The following PRKCE variants were observed in gnomAD, a reference collection of about 807,000 sequenced individuals.
The protein encoded by PRKCE is protein kinase C epsilon.
Under a neutral mutation model 85.4 loss-of-function variants are expected in PRKCE, and 16 were observed. The ratio of observed to expected loss-of-function variants is 0.19; its 90% confidence interval spans 0.13 to 0.28. The LOEUF is 0.28. Ranked by LOEUF, PRKCE falls within the 10% of genes least tolerant of loss-of-function variation. The pLI, the probability that PRKCE is intolerant of heterozygous loss-of-function variation, is 1.00. For missense variants in PRKCE, 573 were observed against 975.2 expected, an observed-to-expected ratio of 0.59 and a Z score of 5.49; for synonymous variants, 388 against 371.5, an observed-to-expected ratio of 1.04 and a Z score of -0.51.
chr2:46,011,003 T>A (rs997398922), intron 10 of PRKCE: 22 of 1,311,398 alleles, frequency 1.7e-5, no homozygotes, highest in Non-Finnish European at 2.2e-5. Context: ...AAGGCAGCAT[T>A]TTTAATTTAC....
At chr2:45,691,673 C>T (rs1677737650) in intron 1 of PRKCE, among the ~76,000 whole-genome samples, 2 of 152,272 alleles carry the variant, frequency 1.3e-5, no homozygotes, top group East Asian at 1.9e-4. Flanking sequence ...ATCAGCCTTC[C>T]CTCCCCACGC....
intron 1 of PRKCE, among the ~76,000 whole-genome samples, chr2:45,750,602 T>C (rs995007223): frequency 6.6e-6 from 1 of 152,216 alleles, no homozygotes; most frequent in African/African-American, 2.4e-5. Context: ...AAGGATTAAG[T>C]GAAATGATGT....
chr2:46,016,472 G>A (rs919852931), intron 10 of PRKCE, among the ~76,000 whole-genome samples: 2 of 152,154 alleles, frequency 1.3e-5, no homozygotes, highest in Non-Finnish European at 2.9e-5. Context: ...GTGTGATAAA[G>A]GAAAAGTTGT....
chr2:46,111,854 G>C (rs1387263047), intron 11 of PRKCE, among the ~76,000 whole-genome samples: 2 of 152,170 alleles, frequency 1.3e-5, no homozygotes, highest in African/African-American at 4.8e-5. Flanking sequence ...GGGTCAAGTA[G>C]TGACTCCATG....
chr2:45,659,905 G>C (rs1016580334), intron 1 of PRKCE, among the ~76,000 whole-genome samples: 10 of 133,676 alleles, frequency 7.5e-5, no homozygotes, highest in African/African-American at 2.8e-4. Flanking sequence ...ATTTATCTTT[G>C]TTGTTTATTT....
intron 1 of PRKCE, among the ~76,000 whole-genome samples, chr2:45,666,671 A>G (rs1423506129): frequency 2.0e-5 from 3 of 151,766 alleles, no homozygotes; most frequent in Admixed American, 6.6e-5. Context: ...TTGCGGTAAC[A>G]TTTACTGTTT....
chr2:46,109,854 A>G (rs999696133), intron 11 of PRKCE, among the ~76,000 whole-genome samples: 1 of 152,228 alleles, frequency 6.6e-6, no homozygotes, highest in African/African-American at 2.4e-5. Context: ...GATGCTCCCT[A>G]CCAAGTTCAG....
chr2:46,101,019 G>A (rs190094862), intron 11 of PRKCE, among the ~76,000 whole-genome samples: 53 of 152,130 alleles, frequency 3.5e-4, no homozygotes, highest in East Asian at 3.3e-3. Context: ...ACAAGCACCC[G>A]CCAACTTGCC....
At chr2:46,037,660 A>G (rs1370211778) in intron 10 of PRKCE, among the ~76,000 whole-genome samples, 2 of 152,146 alleles carry the variant, frequency 1.3e-5, no homozygotes, top group Non-Finnish European at 2.9e-5. Context: ...GCAACTCCCA[A>G]TCCTTTCTTC....
chr2:46,080,990 C>CACACACAT (rs1486356123), intron 10 of PRKCE, among the ~76,000 whole-genome samples: 2 of 151,866 alleles, frequency 1.3e-5, no homozygotes, highest in African/African-American at 4.8e-5. Context: ...CACACACACA[C>CACACACAT]ACACACACAC....
At chr2:45,865,914 C>T (rs1475325748) in intron 2 of PRKCE, among the ~76,000 whole-genome samples, 1 of 150,864 alleles carries the variant, frequency 6.6e-6, no homozygotes, top group Non-Finnish European at 1.5e-5. Context: ...ACCTCACAGG[C>T]TCAAGTGATC....
intron 11 of PRKCE, among the ~76,000 whole-genome samples, chr2:46,115,597 A>G (rs1388528409): frequency 6.6e-6 from 1 of 152,200 alleles, no homozygotes; most frequent in Non-Finnish European, 1.5e-5. Flanking sequence ...GTATCTGGCC[A>G]TTGCTGCATG....
intron 1 of PRKCE, among the ~76,000 whole-genome samples, chr2:45,728,119 T>A (rs2104522170): frequency 6.6e-6 from 1 of 152,320 alleles, no homozygotes; most frequent in South Asian, 2.1e-4. Context: ...GTAAGTGTAT[T>A]TTTCAAAGTG....
At chr2:45,990,560 C>T (rs1703709192) in intron 6 of PRKCE, among the ~76,000 whole-genome samples, 1 of 152,170 alleles carries the variant, frequency 6.6e-6, no homozygotes, top group Non-Finnish European at 1.5e-5. Context: ...CTACCCTGAC[C>T]ACTGGGTAGC....
intron 6 of PRKCE, among the ~76,000 whole-genome samples, chr2:45,986,561 A>G (rs536043850): frequency 6.6e-6 from 1 of 152,214 alleles, no homozygotes; most frequent in Admixed American, 6.5e-5. Flanking sequence ...GGACAAAGTC[A>G]TCATTTAAGT....
At chr2:45,734,083 T>A (rs993969281) in intron 1 of PRKCE, among the ~76,000 whole-genome samples, 8 of 152,186 alleles carry the variant, frequency 5.3e-5, no homozygotes, top group Admixed American at 2.0e-4. Context: ...CATTAAACCC[T>A]GGGCTGGGTG....
intron 11 of PRKCE, among the ~76,000 whole-genome samples, chr2:46,097,569 C>A (rs1283558359): frequency 1.3e-5 from 2 of 150,848 alleles, no homozygotes; most frequent in Non-Finnish European, 3.0e-5. Context: ...GTCTTGACTT[C>A]CCTGTTGGGC....
Position 46,001,285 on chromosome 2 carries a change from C to A in PRKCE, c.824-119C>A. The A allele has an allele frequency of 4.7e-6, 4 of 843,608 alleles. No individual in the cohort carries two copies. Among genetic ancestry groups the A allele is most frequent in the Non-Finnish European group, 4.7e-6 (3 of 637,764 alleles). The allele number at this position is 843,608 out of a possible 1,614,324, so 52.3% of individuals were successfully genotyped here. Reference sequence around the variant, plus strand: ...TATATATATATATTTCTGTATTTTCCAAATTATATCTTAAATGAACATGTA... The same window carrying A: ...TATATATATATATTTCTGTATTTTCAAAATTATATCTTAAATGAACATGTA... On this transcript the variant is annotated intron_variant, in intron 6 of 14. Coordinates refer to ENST00000306156, the MANE Select transcript of PRKCE (RefSeq NM_005400.3). The surrounding 1 kb of genome is among the most constrained non-coding windows in gnomAD (Gnocchi z 4.4).
chr2:46,146,645 G>A (rs1307413104), intron 12 of PRKCE, among the ~76,000 whole-genome samples: 1 of 152,184 alleles, frequency 6.6e-6, no homozygotes, highest in Non-Finnish European at 1.5e-5. Flanking sequence ...CAGGAAAGGA[G>A]GTTCAGTGTC....
Sources: allele counts gnomAD v4.1 joint callset (sites outside exome capture counted in the v4.1 genomes callset), GRCh38; gene constraint gnomAD v4.1.1; non-coding constraint Gnocchi (gnomAD v3.1); transcripts MANE v1.5; gene names NCBI Gene and HGNC (gene_info 2026-07-23, HGNC 2026-07-21).